Variants in FAT3 observed in about 807,000 individuals in gnomAD.
FAT3 encodes FAT atypical cadherin 3, also known as protocadherin Fat 3.
A neutral mutation model predicts 310.2 loss-of-function variants in FAT3; 95 were observed. That is an observed-to-expected ratio of 0.31 (90% CI 0.26 to 0.36). The LOEUF is 0.36. Ranked by LOEUF, FAT3 falls within the 10% of genes least tolerant of loss-of-function variation. FAT3 has a pLI of 1.00. For missense variants in FAT3, 5,408 were observed against 5,715.6 expected, an observed-to-expected ratio of 0.95 and a Z score of 1.74; for synonymous variants, 2,314 against 2,192.9, an observed-to-expected ratio of 1.06 and a Z score of -1.54.
chr11:92,624,771 A>C (rs1941247234), intron 3 of FAT3, among the ~76,000 whole-genome samples: 1 of 152,322 alleles, frequency 6.6e-6, no homozygotes, highest in African/African-American at 2.4e-5. Context: ...TGAGTGACTT[A>C]AACAGCAGAA....
In FAT3 at chr11:92,353,258, T is replaced by C. The variant is rs764349391; in HGVS notation, c.1146T>C (p.Asp382=). 71 of 1,613,648 alleles carry C rather than the reference T, an allele frequency of 4.4e-5. No homozygotes were observed. Among genetic ancestry groups the C allele is most frequent in the Non-Finnish European group, 5.3e-5 (62 of 1,179,848 alleles). Residue 382 remains aspartate, a synonymous_variant, in exon 2 of 28, where the codon GAT becomes GAC. Transcript: ENST00000525166. ...TTAGATTTGAAAAAGAAGTGTACGA[T>C]GTGAGCATAAGTGAATTTTCCCCTC... is the stretch of plus-strand genomic sequence containing the variant. ...VPIRFEKEVY[D]VSISEFSPPG... is the part of the protein sequence containing the mutation.
chr11:92,730,816 C>T (rs929766685), intron 4 of FAT3, among the ~76,000 whole-genome samples: 1 of 152,086 alleles, frequency 6.6e-6, no homozygotes, highest in Admixed American at 6.5e-5. Context: ...CTATTCCATT[C>T]AAATCTCAAA....
intron 2 of FAT3, among the ~76,000 whole-genome samples, chr11:92,491,227 T>C (rs1952589801): frequency 6.6e-6 from 1 of 152,078 alleles, no homozygotes; most frequent in Non-Finnish European, 1.5e-5. Flanking sequence ...TCTCAGCTGG[T>C]GCCAATTCTC....
chr11:92,714,578 G>A (rs528614474), intron 4 of FAT3, among the ~76,000 whole-genome samples: 1 of 152,190 alleles, frequency 6.6e-6, no homozygotes, highest in African/African-American at 2.4e-5. Context: ...TTGATCCATG[G>A]CAGAAATTAG....
intron 1 of FAT3, among the ~76,000 whole-genome samples, chr11:92,260,146 G>A (rs901374519): frequency 2.6e-5 from 4 of 152,150 alleles, no homozygotes; most frequent in Non-Finnish European, 5.9e-5. Flanking sequence ...GCCCTTGGCT[G>A]TAGCCCCTTT....
intron 4 of FAT3, among the ~76,000 whole-genome samples, chr11:92,703,657 T>C (rs1044478152): frequency 3.3e-5 from 5 of 152,256 alleles, no homozygotes; most frequent in African/African-American, 1.2e-4. Flanking sequence ...TTATTCTTAT[T>C]GTATCAACCT....
intron 2 of FAT3, among the ~76,000 whole-genome samples, chr11:92,480,924 G>C (rs1183222607): frequency 1.3e-5 from 2 of 152,180 alleles, no homozygotes; most frequent in Non-Finnish European, 2.9e-5. Flanking sequence ...TGTGAGTGAA[G>C]CTTTAGCTGA....
At chr11:92,884,013 G>A (rs1427156880) in intron 24 of FAT3, among the ~76,000 whole-genome samples, 9 of 152,156 alleles carry the variant, frequency 5.9e-5, no homozygotes, top group Non-Finnish European at 1.2e-4. Context: ...GGAATGTAGA[G>A]ACCATGAAAC....
intron 3 of FAT3, among the ~76,000 whole-genome samples, chr11:92,593,013 T>C (rs983216723): frequency 6.6e-6 from 1 of 152,144 alleles, no homozygotes; most frequent in African/African-American, 2.4e-5. Flanking sequence ...TCTATGAATT[T>C]GAATTTGACT....
chr11:92,808,710 A>G (rs1484284621), intron 12 of FAT3, among the ~76,000 whole-genome samples: 2 of 152,006 alleles, frequency 1.3e-5, no homozygotes, highest in Non-Finnish European at 2.9e-5. Context: ...TGGATCACAA[A>G]GTCAGGAGAT....
intron 1 of FAT3, among the ~76,000 whole-genome samples, chr11:92,303,587 G>C (rs1274261769): frequency 6.6e-6 from 1 of 152,122 alleles, no homozygotes; most frequent in Non-Finnish European, 1.5e-5. Context: ...TCAGTATTTA[G>C]CTCTTCTTGA....
intron 3 of FAT3, among the ~76,000 whole-genome samples, chr11:92,611,546 T>A (rs474727): frequency 6.6e-6 from 1 of 152,016 alleles, no homozygotes; most frequent in African/African-American, 2.4e-5. Flanking sequence ...TTGGTGGAAC[T>A]ACGGGCCCAG....
At position 92,616,176 on chromosome 11, in the gene FAT3, A is replaced by G. The variant is rs545871440; in HGVS notation, c.3608-81208A>G. On this transcript the variant is annotated intron_variant, in intron 3 of 27. Coordinates refer to ENST00000525166, the MANE Select transcript of FAT3 (RefSeq NM_001367949.2). ...CTGGGTGCTCCTGTATTGGGTGCAT[A>G]TATATTTAGGATAGTTAGCTCTTCT... Among the ~76,000 whole-genome samples, 279 of 152,292 alleles carry G rather than the reference A, an allele frequency of 1.8e-3. 1 individual carries two copies. The highest frequency in any genetic ancestry group is 6.4e-3 in the African/African-American group (267 of 41,552).
chr11:92,273,553 T>A (rs1859603490), intron 1 of FAT3, among the ~76,000 whole-genome samples: 1 of 152,140 alleles, frequency 6.6e-6, no homozygotes, highest in Non-Finnish European at 1.5e-5. Context: ...AATAACTGTA[T>A]AATATCATAC....
chr11:92,491,085 C>T (rs145590827), intron 2 of FAT3, among the ~76,000 whole-genome samples: 11 of 152,126 alleles, frequency 7.2e-5, no homozygotes, highest in Admixed American at 4.6e-4. Flanking sequence ...CAAATCTTAA[C>T]GTTTCCCTAT....
chr11:92,616,568 G>T (rs1265018639), intron 3 of FAT3, among the ~76,000 whole-genome samples: 1 of 152,168 alleles, frequency 6.6e-6, no homozygotes, highest in African/African-American at 2.4e-5. Flanking sequence ...TTTCTTCCTA[G>T]AATCGATGGT....
chr11:92,559,295 C>T (rs1235535283), intron 3 of FAT3: 1 of 176,202 alleles, frequency 5.7e-6, no homozygotes, highest in Non-Finnish European at 1.2e-5. Context: ...TACCCTTTAG[C>T]TCTCTTATGC....
At chr11:92,601,414 C>T (rs1023062728) in intron 3 of FAT3, among the ~76,000 whole-genome samples, 2 of 151,860 alleles carry the variant, frequency 1.3e-5, no homozygotes, top group Admixed American at 6.6e-5. Context: ...TACAAAAATA[C>T]GAATATACTG....
intron 3 of FAT3, among the ~76,000 whole-genome samples, chr11:92,684,512 G>A (rs1263833354): frequency 6.6e-6 from 1 of 152,140 alleles, no homozygotes; most frequent in African/African-American, 2.4e-5. Flanking sequence ...AGGAAAATCT[G>A]AACAACCTTC....
Sources: gnomAD v4.1 joint callset for allele counts (sites outside exome capture counted in the v4.1 genomes callset) on GRCh38, gnomAD v4.1.1 for gene constraint, MANE v1.5 for transcripts, NCBI Gene and HGNC (gene_info 2026-07-23, HGNC 2026-07-21) for gene names.